Variants in KIAA1549L observed in about 807,000 individuals in gnomAD.
KIAA1549L encodes UPF0606 protein KIAA1549L.
A neutral mutation model predicts 160.7 loss-of-function variants in KIAA1549L; 88 were observed. That is an observed-to-expected ratio of 0.55 (90% confidence interval 0.46 to 0.65). The LOEUF is 0.65. KIAA1549L is among the 30% of genes least tolerant of loss of function. The probability of loss-of-function intolerance (pLI) is 0.00; values close to 1 mark genes in which losing one functional copy is unlikely to be tolerated. For synonymous variants in KIAA1549L, 950 were observed against 976.7 expected (o/e 0.97, Z 0.51); for missense variants, 2,258 against 2,437.5 (o/e 0.93, Z 1.55).
intron 1 of KIAA1549L, among the ~76,000 whole-genome samples, chr11:33,460,284 A>C (rs1327095311): frequency 2.6e-5 from 4 of 152,074 alleles, no homozygotes; most frequent in African/African-American, 9.7e-5. Flanking sequence ...AGGGGGGAGC[A>C]TGAGATTGAG....
At chr11:33,589,266 T>A (rs1849973636) in intron 11 of KIAA1549L, among the ~76,000 whole-genome samples, 1 of 152,088 alleles carries the variant, frequency 6.6e-6, no homozygotes, top group African/African-American at 2.4e-5. Flanking sequence ...AAACAACAGG[T>A]GCTGGAGAGG....
intron 9 of KIAA1549L, among the ~76,000 whole-genome samples, chr11:33,572,282 C>T (rs1309027765): frequency 2.0e-5 from 3 of 152,070 alleles, no homozygotes; most frequent in Non-Finnish European, 4.4e-5. Context: ...AGTGATCTAC[C>T]CACCTTGGCC....
chr11:33,538,571 A>G (rs1305126476), intron 1 of KIAA1549L, among the ~76,000 whole-genome samples: 1 of 152,168 alleles, frequency 6.6e-6, no homozygotes, highest in Non-Finnish European at 1.5e-5. Context: ...ATCCCCTTGA[A>G]AATCAACTAA....
At chr11:33,470,256 T>C (rs1290511745) in intron 1 of KIAA1549L, among the ~76,000 whole-genome samples, 1 of 152,210 alleles carries the variant, frequency 6.6e-6, no homozygotes, top group East Asian at 1.9e-4. Flanking sequence ...CCCAGCACCA[T>C]TCATTGAAAA....
At chr11:33,556,612 C>CTATA (rs986085040) in intron 6 of KIAA1549L, among the ~76,000 whole-genome samples, 2 of 152,184 alleles carry the variant, frequency 1.3e-5, no homozygotes, top group African/African-American at 4.8e-5. Context: ...AGGACAAATA[C>CTATA]TATATGATTT....
intron 1 of KIAA1549L, among the ~76,000 whole-genome samples, chr11:33,535,916 C>G (rs960529865): frequency 6.6e-6 from 1 of 152,228 alleles, no homozygotes. Context: ...CATCAGCTAT[C>G]TCTCATTTCC....
At chr11:33,421,639 A>G (rs1166355241) in intron 1 of KIAA1549L, among the ~76,000 whole-genome samples, 4 of 152,258 alleles carry the variant, frequency 2.6e-5, no homozygotes, top group African/African-American at 9.6e-5. Flanking sequence ...GCAGATGAAT[A>G]AGTAATCCAA....
intron 1 of KIAA1549L, among the ~76,000 whole-genome samples, chr11:33,402,166 C>T (rs563567056): frequency 9.1e-4 from 138 of 152,308 alleles, no homozygotes; most frequent in African/African-American, 3.1e-3. Context: ...TCTCTAGTCA[C>T]CTCACACTCA....
intron 1 of KIAA1549L, among the ~76,000 whole-genome samples, chr11:33,430,237 CCTCCCTCCCTCCCTCT>C (rs1369609623): frequency 8.3e-4 from 102 of 123,604 alleles, no homozygotes; most frequent in Middle Eastern, 8.5e-3. Flanking sequence ...TTCATCCTTC[CCTCCCTCCCTCCCTCT>C]CTCCCTCCCT....
At chr11:33,404,965 A>G (rs529319411) in intron 1 of KIAA1549L, among the ~76,000 whole-genome samples, 113 of 144,724 alleles carry the variant, frequency 7.8e-4, no homozygotes, top group African/African-American at 2.7e-3. Context: ...CCAAGATCGC[A>G]CCACTGCACT....
chr11:33,539,851 G>A (rs574527301), intron 1 of KIAA1549L, among the ~76,000 whole-genome samples: 5 of 152,298 alleles, frequency 3.3e-5, no homozygotes, highest in East Asian at 1.9e-4. Flanking sequence ...TGGGAGAGCC[G>A]GAAAGATATG....
At chr11:33,410,775 A>G (rs1590226859) in intron 1 of KIAA1549L, among the ~76,000 whole-genome samples, 1 of 152,218 alleles carries the variant, frequency 6.6e-6, no homozygotes, top group South Asian at 2.1e-4. Context: ...GGAGAATGGA[A>G]TTCTGGGAAG....
At chr11:33,568,479 A>G (rs1207794869) in intron 9 of KIAA1549L, among the ~76,000 whole-genome samples, 2 of 152,232 alleles carry the variant, frequency 1.3e-5, no homozygotes, top group Non-Finnish European at 2.9e-5. Context: ...AAGTCTCGGT[A>G]CAAAATCTGT....
chr11:33,463,081 A>C (rs919029380), intron 1 of KIAA1549L, among the ~76,000 whole-genome samples: 1 of 152,076 alleles, frequency 6.6e-6, no homozygotes, highest in African/African-American at 2.4e-5. Flanking sequence ...CTCCCACCTC[A>C]GCCTGCCAAA....
At position 33,663,686 on chromosome 11, in the gene KIAA1549L, A is replaced by G. The variant is rs555768024; in HGVS notation, c.6159+2672A>G. On this transcript the variant is annotated intron_variant, in intron 20 of 20. Transcript: ENST00000658780. ...CTTCTCAAAAATTTGACCCCAGCCAATCATTCTTCAGTGATTTTCAGACTG... is the reference window on the plus strand; with the variant it reads ...CTTCTCAAAAATTTGACCCCAGCCAGTCATTCTTCAGTGATTTTCAGACTG... Among the ~76,000 whole-genome samples, 7 of 152,310 alleles carry G rather than the reference A, an allele frequency of 4.6e-5. No homozygotes were observed. In the East Asian group the frequency reaches 9.6e-4, roughly 21 times the overall value.
At chr11:33,577,329 G>A (rs1855484732) in intron 10 of KIAA1549L, among the ~76,000 whole-genome samples, 1 of 152,176 alleles carries the variant, frequency 6.6e-6, no homozygotes, top group South Asian at 2.1e-4. Context: ...TGGAGGGGCT[G>A]TATGGCATTC....
In KIAA1549L at chr11:33,544,816, A is replaced by G; in HGVS notation, c.2823A>G (p.Thr941=). The part of the protein sequence containing the change: ...KVQPTAAAAV[T]LFLRKSSPPA... ...AGCCAACAGCAGCAGCTGCCGTCAC[A>G]TTGTTTCTGAGGAAATCAAGTCCAC... is the stretch of plus-strand genomic sequence containing the variant. The change falls in exon 3 of 21, where the codon ACA becomes ACG. Residue 941 remains threonine, a synonymous_variant. Transcript: ENST00000658780. 1 of 1,610,350 alleles carries G rather than the reference A, an allele frequency of 6.2e-7. No homozygotes were observed. Among genetic ancestry groups the G allele is most frequent in the African/African-American group, 1.3e-5 (1 of 74,966 alleles).
At chr11:33,435,786 A>ATGTGTGTG (rs1287703565) in intron 1 of KIAA1549L, among the ~76,000 whole-genome samples, 1 of 18,968 alleles carries the variant, frequency 5.3e-5, no homozygotes. Context: ...ATATATATAT[A>ATGTGTGTG]TATATATATA....
chr11:33,568,055 C>G (rs778052926), intron 8 of KIAA1549L, 21 bp from the exon 9 acceptor site: 1 of 1,589,268 alleles, frequency 6.3e-7, no homozygotes, highest in South Asian at 1.1e-5. Flanking sequence ...TGAGCCTCTG[C>G]TCTGCCTTCT....
Sources: allele counts gnomAD v4.1 joint callset (sites outside exome capture counted in the v4.1 genomes callset), GRCh38; gene constraint gnomAD v4.1.1; transcripts MANE v1.5; gene names NCBI Gene and HGNC (gene_info 2026-07-23, HGNC 2026-07-21).